The following SHC4 variants were observed in gnomAD, a reference collection of about 807,000 sequenced individuals.
SHC4 encodes the protein SHC-transforming protein 4.
SHC4 carries 41 observed loss-of-function variants against 69.4 expected under a neutral mutation model. That is an observed-to-expected ratio of 0.59 (90% CI 0.46 to 0.77). SHC4 has a LOEUF of 0.77. SHC4 is among the 30% of genes least tolerant of loss of function. The probability of loss-of-function intolerance (pLI) is 0.00; values close to 1 mark genes in which losing one functional copy is unlikely to be tolerated. For missense variants in SHC4, 777 were observed against 783.8 expected (o/e 0.99, Z 0.10); for synonymous variants, 318 against 299.3 (o/e 1.06, Z -0.64).
intron 9 of SHC4, among the ~76,000 whole-genome samples, chr15:48,845,345 A>G (rs1899066920): frequency 6.6e-6 from 1 of 151,808 alleles, no homozygotes; most frequent in Non-Finnish European, 1.5e-5. Context: ...CAGCTGTTAC[A>G]TGTCATCTTG....
chr15:48,835,295 C>T (rs1038630096), intron 10 of SHC4, among the ~76,000 whole-genome samples: 1 of 152,140 alleles, frequency 6.6e-6, no homozygotes, highest in Admixed American at 6.5e-5. Context: ...ATGGAACAGA[C>T]CCATGAGAAC....
chr15:48,872,803 T>C (rs1422843654), intron 4 of SHC4, among the ~76,000 whole-genome samples: 1 of 152,206 alleles, frequency 6.6e-6, no homozygotes, highest in African/African-American at 2.4e-5. Flanking sequence ...GCTAAGAAGA[T>C]TGTCTTCTAT....
chr15:48,848,267 G>A (rs1037058382), intron 9 of SHC4, among the ~76,000 whole-genome samples: 1 of 152,082 alleles, frequency 6.6e-6, no homozygotes, highest in Admixed American at 6.5e-5. Context: ...TTCCTCACCG[G>A]AACTCAGAAA....
At chr15:48,870,744 A>G (rs1899657309) in intron 5 of SHC4, among the ~76,000 whole-genome samples, 1 of 152,158 alleles carries the variant, frequency 6.6e-6, no homozygotes, top group South Asian at 2.1e-4. Flanking sequence ...AGCCAATGTG[A>G]AGACAAGTAA....
chr15:48,930,528 T>G (rs974942294), intron 1 of SHC4, among the ~76,000 whole-genome samples: 8 of 152,192 alleles, frequency 5.3e-5, no homozygotes, highest in Non-Finnish European at 8.8e-5. Flanking sequence ...TCCCAGCTAC[T>G]TGGGAGGCTG....
At chr15:48,939,509 T>C (rs1296277215) in intron 1 of SHC4, among the ~76,000 whole-genome samples, 1 of 152,238 alleles carries the variant, frequency 6.6e-6, no homozygotes, top group Non-Finnish European at 1.5e-5. Context: ...ATCATCCAAT[T>C]AACCATCTGC....
chr15:48,954,536 AT>A (rs1567078446), intron 1 of SHC4, among the ~76,000 whole-genome samples: 1 of 152,242 alleles, frequency 6.6e-6, no homozygotes, highest in Non-Finnish European at 1.5e-5. Context: ...GTAAATAAAC[AT>A]CTTTCCAAAA....
intron 2 of SHC4, among the ~76,000 whole-genome samples, chr15:48,907,019 T>C (rs1900416414): frequency 6.6e-6 from 1 of 152,172 alleles, no homozygotes; most frequent in Non-Finnish European, 1.5e-5. Context: ...AAAAACCATA[T>C]ATCAAACTGT....
chr15:48,885,336 A>G (rs573958521), intron 3 of SHC4, among the ~76,000 whole-genome samples: 4 of 152,294 alleles, frequency 2.6e-5, no homozygotes, highest in Non-Finnish European at 4.4e-5. Context: ...ATGTGGGGGG[A>G]AAAACAGTAG....
chr15:48,890,196 G>C (rs1900110302), intron 3 of SHC4, among the ~76,000 whole-genome samples: 1 of 152,190 alleles, frequency 6.6e-6, no homozygotes, highest in South Asian at 2.1e-4. Flanking sequence ...GGCTGAGGCA[G>C]GACTTTAATC....
intron 2 of SHC4, among the ~76,000 whole-genome samples, chr15:48,917,396 AG>A (rs1458592548): frequency 1.3e-5 from 2 of 152,078 alleles, no homozygotes; most frequent in African/African-American, 2.4e-5. Flanking sequence ...GGAAAGTTTA[AG>A]TAACAATGTC....
intron 2 of SHC4, among the ~76,000 whole-genome samples, chr15:48,917,054 C>T (rs1037038712): frequency 1.4e-4 from 21 of 152,158 alleles, no homozygotes; most frequent in African/African-American, 4.8e-4. Context: ...AGCCCTTTCT[C>T]ACCAGCTCCA....
At chr15:48,880,985 AGTGTGTGTGTGTGTGTGTGTGTGTGTGT>A in intron 4 of SHC4, among the ~76,000 whole-genome samples, 2 of 146,082 alleles carry the variant, frequency 1.4e-5, no homozygotes. Context: ...TGTGTGTGAG[AGTGTGTGTGTGTGTGTGTGTGTGTGTGT>A]GTGTGTGTGT....
intron 1 of SHC4, among the ~76,000 whole-genome samples, chr15:48,957,911 T>C (rs1901481007): frequency 6.6e-6 from 1 of 151,676 alleles, no homozygotes; most frequent in South Asian, 2.1e-4. Flanking sequence ...GAGATTGGAG[T>C]GATGCATCTA....
chr15:48,878,517 AGG>A, intron 4 of SHC4: 1 of 1,614,074 alleles, frequency 6.2e-7, no homozygotes, highest in Non-Finnish European at 8.5e-7. Flanking sequence ...TATCCCGAAG[AGG>A]AGCAGCTCAG....
At chr15:48,874,481 A>C (rs1899755019) in intron 4 of SHC4, among the ~76,000 whole-genome samples, 1 of 128,140 alleles carries the variant, frequency 7.8e-6, no homozygotes, top group Admixed American at 8.0e-5. Flanking sequence ...CGTTGCTCAC[A>C]TTACTGTCTG....
chr15:48,939,670 G>A (rs535834636), intron 1 of SHC4, among the ~76,000 whole-genome samples: 39 of 152,270 alleles, frequency 2.6e-4, no homozygotes, highest in African/African-American at 9.1e-4. Flanking sequence ...GGCCACCCTC[G>A]CTTAGATGTG....
intron 1 of SHC4, among the ~76,000 whole-genome samples, chr15:48,927,243 C>T (rs58953961): frequency 0.04 from 6,149 of 152,248 alleles, 393 homozygotes; most frequent in African/African-American, 0.14. Flanking sequence ...TTCCAGCGCC[C>T]TCTTCCACCC....
intron 1 of SHC4, among the ~76,000 whole-genome samples, chr15:48,959,852 CAG>C (rs1359774445): frequency 6.6e-6 from 1 of 152,156 alleles, no homozygotes; most frequent in Non-Finnish European, 1.5e-5. Flanking sequence ...GTGGTGAAGA[CAG>C]ATAAGAATGG....
Sources: gnomAD v4.1 joint callset for allele counts (sites outside exome capture counted in the v4.1 genomes callset) on GRCh38, gnomAD v4.1.1 for gene constraint, MANE v1.5 for transcripts, NCBI Gene and HGNC (gene_info 2026-07-23, HGNC 2026-07-21) for gene names.